The following PRR35 variants were observed in gnomAD, a reference collection of about 807,000 sequenced individuals.
The protein encoded by PRR35 is proline-rich protein 35.
PRR35 carries 14 observed loss-of-function variants against 18.6 expected under a neutral mutation model. The observed-to-expected ratio is 0.75, with a 90% CI of 0.50 to 1.18. PRR35 has a LOEUF of 1.18. PRR35 is among the 50% of genes most tolerant of loss of function. The pLI, the probability that PRR35 is intolerant of heterozygous loss-of-function variation, is 0.00. For synonymous variants in PRR35, 425 were observed against 378.2 expected (o/e 1.12, Z -1.43); for missense variants, 832 against 792.2 (o/e 1.05, Z -0.60).
At chr16:561,828 G>A in intron 1 of PRR35, 7 of 977,182 alleles carry the variant, frequency 7.2e-6, no homozygotes, top group Non-Finnish European at 7.3e-6. Flanking sequence ...CGGTGTGTAG[G>A]GCCTGTGTGA....
Position 563,969 on chromosome 16 carries a change from C to T in PRR35, c.675C>T (p.Pro225=), listed in dbSNP as rs750566762. 8.7e-6 allele frequency: 14 copies of T among 1,600,450 alleles called. No homozygotes were observed. In the East Asian group the frequency reaches 3.2e-4, roughly 36 times the overall value. ...LSPGLFSYLG[P]SLAAAAHVPF... ...CCGGCCTCTTCTCCTACTTGGGGCC[C>T]TCACTGGCCGCTGCAGCCCATGTGC... Residue 225 remains proline (P), a synonymous_variant, in exon 2 of 3, where the codon CCC becomes CCT. Coordinates refer to ENST00000409413, the MANE Select transcript of PRR35 (RefSeq NM_145270.3).
chr16:564,344 C>T lies in PRR35; in HGVS notation c.1050C>T (p.Ser350=), dbSNP rs1183717974. 6.3e-7 allele frequency: 1 copy of T among 1,585,058 alleles called. No individual in the cohort carries two copies. ...GCAGGCTGGAGCTTCCGAAGGCATCCCCCAGCCTGACAAGGTTCTGTTCCC... is the reference window on the plus strand; with the variant it reads ...GCAGGCTGGAGCTTCCGAAGGCATCTCCCAGCCTGACAAGGTTCTGTTCCC... ...LGSRLELPKA[S]PSLTRFCSRS... is the part of the protein sequence containing the mutation. Residue 350 remains serine, a synonymous_variant, in exon 2 of 3, where the codon TCC becomes TCT. Coordinates refer to ENST00000409413, the MANE Select transcript of PRR35 (RefSeq NM_145270.3).
chr16:561,857 G>A (rs1325649424), intron 1 of PRR35: 1 of 888,902 alleles, frequency 1.1e-6, no homozygotes, highest in Non-Finnish European at 1.3e-6. Context: ...GTGCCGTGTT[G>A]GAGTGGTTTG....
chr16:563,024 G>A (rs557565625), intron 1 of PRR35, among the ~76,000 whole-genome samples: 6 of 149,598 alleles, frequency 4.0e-5, no homozygotes, highest in Non-Finnish European at 7.4e-5. Context: ...GATGCAGCTC[G>A]CTGTCCTGGA....
upstream of PRR35, chr16:560,224 C>A (rs2035410380): frequency 1.3e-5 from 8 of 597,414 alleles, no homozygotes; most frequent in Non-Finnish European, 1.7e-5. Context: ...CCGGTCCCGG[C>A]GCACGAGGCC....
chr16:560,316 C>T (rs1567167748), upstream of PRR35: 3 of 979,776 alleles, frequency 3.1e-6, no homozygotes, highest in South Asian at 1.4e-4. Context: ...TCCTTCCCTC[C>T]CGCCGCGAGC....
At position 560,413 on chromosome 16, in the gene PRR35, G is replaced by A; in HGVS notation, c.-288G>A. On this transcript the variant is annotated 5_prime_UTR_variant, in exon 1 of 3. Coordinates refer to ENST00000409413, the MANE Select transcript of PRR35 (RefSeq NM_145270.3). ...GCCGCCAACTTCGGGAGGTGCGAGC[G>A]GCGTCGGGGGGACGCGGGCGGCGGC... 2 of 983,114 alleles carry A rather than the reference G, an allele frequency of 2.0e-6. No homozygotes were observed. Among genetic ancestry groups the A allele is most frequent in the African/African-American group, 1.8e-5 (1 of 57,118 alleles). The allele number at this position is 983,114 out of a possible 1,614,324, so 60.9% of individuals were successfully genotyped here.
Position 563,751 on chromosome 16 carries a change from G to T in PRR35, c.457G>T (p.Gly153Cys), listed in dbSNP as rs751711115. 4.0e-6 allele frequency: 6 copies of T among 1,509,330 alleles called. No individual in the cohort carries two copies. The highest frequency in any genetic ancestry group is 5.3e-6 in the Non-Finnish European group (6 of 1,130,486). 93.5% of individuals were successfully genotyped at this position (1,509,330 alleles called of 1,614,324 possible). ...GGCTAGGGCCACCCGGAAGGGTCCC[G>T]GCCCCAGTGGGCTCCTGCCTGAGTC... ...PVARATRKGPGPSGLLPESWK... is the reference protein window; with the variant it reads ...PVARATRKGPCPSGLLPESWK... The change falls in exon 2 of 3, where the codon GGC becomes TGC. Residue 153 changes from glycine (G) to cysteine (C), a missense_variant. Coordinates refer to ENST00000409413, the MANE Select transcript of PRR35 (RefSeq NM_145270.3).
upstream of PRR35, chr16:559,814 A>G (rs2035405403): frequency 1.1e-6 from 1 of 941,270 alleles, no homozygotes; most frequent in South Asian, 4.9e-5. Flanking sequence ...CGGTCCGGGC[A>G]GCCTCCGGTT....
At position 564,358 on chromosome 16, in the gene PRR35, G is replaced by T; in HGVS notation, c.1064G>T (p.Arg355Met). The change falls in exon 2 of 3, where the codon AGG becomes ATG. Residue 355 changes from arginine (R) to methionine (M), a missense_variant. Transcript: ENST00000409413. Reference sequence around the variant, plus strand: ...CCGAAGGCATCCCCCAGCCTGACAAGGTTCTGTTCCCGGAGCAGGTGGGCG... The same window carrying T: ...CCGAAGGCATCCCCCAGCCTGACAATGTTCTGTTCCCGGAGCAGGTGGGCG... ...ELPKASPSLT[R>M]FCSRSSLPTG... 6.3e-7 allele frequency: 1 copy of T among 1,588,674 alleles called. No individual in the cohort carries two copies. The highest frequency in any genetic ancestry group is 1.3e-5 in the African/African-American group (1 of 74,846).
chr16:565,160 C>T lies in PRR35; in HGVS notation c.1569C>T (p.Ser523=), dbSNP rs1294324043. 6.2e-7 allele frequency: 1 copy of T among 1,610,646 alleles called. No individual in the cohort carries two copies. The highest frequency in any genetic ancestry group is 8.5e-7 in the Non-Finnish European group (1 of 1,178,968). The stretch of plus-strand genomic sequence containing the variant: ...ACACCACCAAGTGTGAGGCCGACTC[C>T]AGCGTCCCACCCCCAGGGCTCCCCC... The part of the protein sequence containing the change: ...SGHTTKCEAD[S]SVPPPGLPLA... Residue 523 remains serine, a synonymous_variant, in exon 3 of 3, where the codon TCC becomes TCT. Coordinates refer to ENST00000409413, the MANE Select transcript of PRR35 (RefSeq NM_145270.3).
chr16:563,822 G>A lies in PRR35; in HGVS notation c.528G>A (p.Gly176=). The A allele has an allele frequency of 6.6e-7, 1 of 1,508,402 alleles. No individual in the cohort carries two copies. The highest frequency in any genetic ancestry group is 1.3e-5 in the South Asian group (1 of 77,604). The allele number at this position is 1,508,402 out of a possible 1,614,324, so 93.4% of individuals were successfully genotyped here. The change falls in exon 2 of 3, where the codon GGG becomes GGA. Residue 176 remains glycine (G), a synonymous_variant. Transcript: ENST00000409413. ...MGGDPRGVGA[G]DMASAGPEGS... ...GGGACCCAAGGGGCGTGGGTGCGGGGGACATGGCCTCAGCAGGCCCTGAGG... is the reference window on the plus strand; with the variant it reads ...GGGACCCAAGGGGCGTGGGTGCGGGAGACATGGCCTCAGCAGGCCCTGAGG...
intron 1 of PRR35, chr16:561,735 C>T (rs1488378026): frequency 1.6e-5 from 16 of 985,290 alleles, no homozygotes; most frequent in Non-Finnish European, 1.8e-5. Context: ...ACAGCAGTGC[C>T]CCAGCCCTAC....
Position 564,902 on chromosome 16 carries a change from G to C in PRR35, c.1311G>C (p.Arg437=). Residue 437 remains arginine, a synonymous_variant, in exon 3 of 3, where the codon CGG becomes CGC. Transcript: ENST00000409413. ...PAGGLAPRPL[R]EQLGKIRLEL... ...GGGGCCTGGCCCCGAGACCCCTGCG[G>C]GAGCAGCTGGGCAAGATCCGCCTGG... is the stretch of plus-strand genomic sequence containing the variant. 19 of 1,592,094 alleles carry C rather than the reference G, an allele frequency of 1.2e-5. No individual in the cohort carries two copies. Among genetic ancestry groups the C allele is most frequent in the Non-Finnish European group, 1.6e-5 (19 of 1,173,420 alleles).
intron 1 of PRR35, among the ~76,000 whole-genome samples, chr16:562,498 C>G (rs114218071): frequency 0.013 from 1,807 of 141,592 alleles, 15 homozygotes; most frequent in African/African-American, 0.028. Context: ...CACAAGCATG[C>G]ACAGAGGCAC....
chr16:560,752 TG>T, intron 1 of PRR35, 91 bp downstream of exon 1: 7 of 799,090 alleles, frequency 8.8e-6, no homozygotes, highest in Non-Finnish European at 1.0e-5. Context: ...GCCAGGCGTG[TG>T]GGGGGCGCGG....
At position 563,259 on chromosome 16, in the gene PRR35, G is replaced by A. The variant is rs780684349; in HGVS notation, c.-36G>A. 9 of 1,556,948 alleles carry A rather than the reference G, an allele frequency of 5.8e-6. No homozygotes were observed. In the Admixed American group the frequency reaches 1.6e-4, roughly 28 times the overall value. The stretch of plus-strand genomic sequence containing the variant: ...CTGACTGTGGCCCCATCTACAGGTG[G>A]CCATGGTGCCCGGCCCTGCCTCATA... On this transcript the variant is annotated 5_prime_UTR_variant, in exon 2 of 3. Transcript: ENST00000409413.
chr16:563,562 C>G lies in PRR35; in HGVS notation c.268C>G (p.Pro90Ala), dbSNP rs773679825. ...STTPRPHAPT[P>A]DRPGESDPGR... ...CACGCCTAGGCCCCACGCACCCACC[C>G]CAGACCGCCCTGGGGAGTCCGACCC... Residue 90 changes from proline (P) to alanine (A), a missense_variant, in exon 2 of 3, where the codon CCA becomes GCA. By Grantham distance (27) the Pro-to-Ala change is conservative. This residue lies in a region of PRR35 where 768 missense variants were observed against 704.1 expected (regional missense o/e 1.09). Coordinates refer to ENST00000409413, the MANE Select transcript of PRR35 (RefSeq NM_145270.3). The G allele has an allele frequency of 5.0e-6, 8 of 1,608,156 alleles. No individual in the cohort carries two copies. In the Admixed American group the frequency reaches 1.2e-4, roughly 24 times the overall value.
chr16:565,450 C>A lies in PRR35; in HGVS notation c.*143C>A. The A allele has an allele frequency of 1.2e-6, 1 of 819,570 alleles. No homozygotes were observed. The highest frequency in any genetic ancestry group is 1.7e-6 in the Non-Finnish European group (1 of 577,094). 50.8% of individuals were successfully genotyped at this position (819,570 alleles called of 1,614,324 possible). ...CCACGGGCCGTGGCCAACGCTTGTC[C>A]CTGGGGCCACACAGGGACACTGGAG... On this transcript the variant is annotated 3_prime_UTR_variant, in exon 3 of 3. Coordinates refer to ENST00000409413, the MANE Select transcript of PRR35 (RefSeq NM_145270.3).
Sources: allele counts gnomAD v4.1 joint callset (sites outside exome capture counted in the v4.1 genomes callset), GRCh38; gene constraint gnomAD v4.1.1; regional missense constraint gnomAD v4.1.1; transcripts MANE v1.5; gene names NCBI Gene and HGNC (gene_info 2026-07-23, HGNC 2026-07-21).